Variants in LCMT1 observed in about 807,000 individuals in gnomAD.
LCMT1 encodes leucine carboxyl methyltransferase 1, also known as [Phosphatase 2A protein]-leucine-carboxy methyltransferase 1.
Under a neutral mutation model 47.7 loss-of-function variants are expected in LCMT1, and 32 were observed. The observed-to-expected ratio is 0.67, with a 90% CI of 0.51 to 0.90. The LOEUF (loss-of-function observed/expected upper bound fraction) is 0.90. LCMT1 is among the 40% of genes least tolerant of loss of function. The probability of loss-of-function intolerance (pLI) is 0.00; values close to 1 mark genes in which losing one functional copy is unlikely to be tolerated. For synonymous variants in LCMT1, 152 were observed against 149.7 expected, an observed-to-expected ratio of 1.02 and a Z score of -0.11; for missense variants, 375 against 415.2, an observed-to-expected ratio of 0.90 and a Z score of 0.84.
intron 1 of LCMT1, among the ~76,000 whole-genome samples, chr16:25,119,662 G>A (rs1274075605): frequency 1.3e-5 from 2 of 152,052 alleles, no homozygotes; most frequent in Non-Finnish European, 2.9e-5. Flanking sequence ...CAGGTCACAA[G>A]GTCTCTCCAC....
At chr16:25,136,614 A>T (rs1207903113) in intron 3 of LCMT1, among the ~76,000 whole-genome samples, 1 of 151,864 alleles carries the variant, frequency 6.6e-6, no homozygotes, top group African/African-American at 2.4e-5. Context: ...CAGTGGTGTG[A>T]TCTCAGCTCA....
intron 2 of LCMT1, 188 bp from the exon 3 acceptor site, chr16:25,132,214 A>G (rs953703226): frequency 5.0e-6 from 3 of 598,528 alleles, no homozygotes; most frequent in African/African-American, 3.7e-5. Flanking sequence ...ACCTTGGTTC[A>G]GATGCCTTTA....
chr16:25,114,172 G>A (rs1165201647), intron 1 of LCMT1, among the ~76,000 whole-genome samples: 1 of 152,172 alleles, frequency 6.6e-6, no homozygotes, highest in African/African-American at 2.4e-5. Context: ...AAAATAAAAA[G>A]CCAGTCAGCC....
chr16:25,151,462 A>C (rs1961077510), intron 4 of LCMT1, 92 bp from the exon 5 acceptor site: 2 of 1,041,344 alleles, frequency 1.9e-6, no homozygotes, highest in Non-Finnish European at 2.9e-6. Context: ...CCATTTTGGT[A>C]GTGAGTGTCT....
chr16:25,168,435 G>T (rs1030334960), intron 7 of LCMT1, among the ~76,000 whole-genome samples: 1 of 152,048 alleles, frequency 6.6e-6, no homozygotes, highest in African/African-American at 2.4e-5. Context: ...ATATAATTTT[G>T]GGTTTTTTAG....
intron 9 of LCMT1, among the ~76,000 whole-genome samples, chr16:25,171,386 T>C (rs554678339): frequency 6.6e-6 from 1 of 152,076 alleles, no homozygotes; most frequent in African/African-American, 2.4e-5. Context: ...GTATCCAGCC[T>C]GTGCGACAGA....
At chr16:25,151,785 T>C (rs1349629220) in intron 5 of LCMT1, among the ~76,000 whole-genome samples, 170 bp downstream of exon 5, 1 of 151,518 alleles carries the variant, frequency 6.6e-6, no homozygotes, top group Non-Finnish European at 1.5e-5. Context: ...AAAGGAGAGC[T>C]TGCTTTCTCA....
In LCMT1 at chr16:25,111,925, T is replaced by C. The variant is rs1231504488; in HGVS notation, c.42T>C (p.Cys14=). ...RQRESSITSC[C]STSSCDADDE... ...GGGAATCCTCTATCACCTCCTGCTG[T>C]TCCACCTCGAGCTGCGACGCAGACG... The change falls in exon 1 of 11, where the codon TGT becomes TGC. Residue 14 remains cysteine, a synonymous_variant. Transcript: ENST00000399069. 1.2e-6 allele frequency: 2 copies of C among 1,613,626 alleles called. No individual in the cohort carries two copies. The highest frequency in any genetic ancestry group is 2.2e-5 in the South Asian group (2 of 91,084).
At chr16:25,148,971 T>C (rs1252274407) in intron 4 of LCMT1, 1 of 152,262 alleles carries the variant, frequency 6.6e-6, no homozygotes, top group Non-Finnish European at 1.5e-5. Context: ...AGACGTTTTA[T>C]TAGCAAAGCC....
chr16:25,159,147 T>C (rs1049349830), intron 5 of LCMT1, among the ~76,000 whole-genome samples: 7 of 152,264 alleles, frequency 4.6e-5, no homozygotes, highest in African/African-American at 1.4e-4. Flanking sequence ...TTATTTGTTG[T>C]TGTTTGGCCA....
intron 4 of LCMT1, chr16:25,148,203 A>G (rs780901729): frequency 4.6e-5 from 7 of 152,338 alleles, no homozygotes; most frequent in Non-Finnish European, 1.0e-4. Context: ...TTTCTTCTTC[A>G]GCCTTACAGC....
rs534246832 is a variant in LCMT1 at position 25,161,261 on chromosome 16, A to C, written c.569+57A>C. ...TTTGTGATTTTATGCTAATTATGAG[A>C]TAAGGCCAGTCGGAAGTACAGCATG... On this transcript the variant is annotated intron_variant, in intron 6 of 10. Transcript: ENST00000399069. 7.2e-5 allele frequency: 66 copies of C among 915,650 alleles called. No homozygotes were observed. In the African/African-American group the frequency reaches 1.1e-3, roughly 15 times the overall value. The allele number at this position is 915,650 out of a possible 1,614,324, so 56.7% of individuals were successfully genotyped here. A position where few individuals can be genotyped will look rare whatever the true frequency, so the allele number is the denominator to read the frequency against.
intron 1 of LCMT1, among the ~76,000 whole-genome samples, chr16:25,124,123 CAA>C (rs1960085583): frequency 6.6e-6 from 1 of 152,168 alleles, no homozygotes; most frequent in Non-Finnish European, 1.5e-5. Context: ...ATCTGTCTCT[CAA>C]GAGTCCATTT....
chr16:25,161,157 C>G lies in LCMT1; in HGVS notation c.522C>G (p.Asp174Glu), dbSNP rs1332351835. 1 of 1,610,636 alleles carries G rather than the reference C, an allele frequency of 6.2e-7. No homozygotes were observed. Among genetic ancestry groups the G allele is most frequent in the South Asian group, 1.1e-5 (1 of 90,278 alleles). Reference sequence around the variant, plus strand: ...CCGTTATTGGAGCAGATCTCCGAGACCTGTCTGAACTGGAAGAGAAGCTAA... The same window carrying G: ...CCGTTATTGGAGCAGATCTCCGAGAGCTGTCTGAACTGGAAGAGAAGCTAA... ...RYAVIGADLR[D>E]LSELEEKLKK... Residue 174 changes from aspartate (D) to glutamate (E), a missense_variant, in exon 6 of 11, where the codon GAC becomes GAG. Asp to Glu is a conservative substitution (Grantham distance 45). Coordinates refer to ENST00000399069, the MANE Select transcript of LCMT1 (RefSeq NM_016309.3).
At chr16:25,120,016 T>C (rs966981688) in intron 1 of LCMT1, among the ~76,000 whole-genome samples, 6 of 151,428 alleles carry the variant, frequency 4.0e-5, no homozygotes, top group Admixed American at 2.0e-4. Flanking sequence ...AAAAACTAGC[T>C]GGGTGTGACT....
At chr16:25,112,021 G>A in intron 1 of LCMT1, 25 bp downstream of exon 1, 2 of 1,542,348 alleles carry the variant, frequency 1.3e-6, no homozygotes, top group Admixed American at 3.4e-5. Context: ...CGGGGTTCGG[G>A]GCCGGCATCT....
chr16:25,142,587 T>G (rs1445121725), intron 4 of LCMT1: 1 of 152,170 alleles, frequency 6.6e-6, no homozygotes, highest in Non-Finnish European at 1.5e-5. Flanking sequence ...GGAAAGGTTG[T>G]CAAGAGAGTT....
chr16:25,147,198 A>G (rs1280163535), intron 4 of LCMT1: 2 of 152,232 alleles, frequency 1.3e-5, no homozygotes, highest in East Asian at 3.8e-4. Context: ...TTTTTTACAT[A>G]GTCCTAGATC....
chr16:25,127,607 A>G (rs1353902903), intron 1 of LCMT1, among the ~76,000 whole-genome samples: 1 of 152,210 alleles, frequency 6.6e-6, no homozygotes. Context: ...ATTTCACCTT[A>G]CTTAGCAGGC....
Sources: gnomAD v4.1 joint callset for allele counts (sites outside exome capture counted in the v4.1 genomes callset) on GRCh38, gnomAD v4.1.1 for gene constraint, MANE v1.5 for transcripts, NCBI Gene and HGNC (gene_info 2026-07-23, HGNC 2026-07-21) for gene names.